Variants in AFTPH observed in about 807,000 individuals in gnomAD.
The protein encoded by AFTPH is aftiphilin protein.
A neutral mutation model predicts 72.5 loss-of-function variants in AFTPH; 7 were observed. The ratio of observed to expected loss-of-function variants is 0.10; its 90% CI spans 0.05 to 0.18. The LOEUF (loss-of-function observed/expected upper bound fraction) is 0.18. Among genes scored for constraint, AFTPH ranks in the 10% least tolerant of loss-of-function variants. The pLI, the probability that AFTPH is intolerant of heterozygous loss-of-function variation, is 1.00. For synonymous variants in AFTPH, 337 were observed against 370.1 expected (o/e 0.91, Z 1.03); for missense variants, 979 against 1,060.5 (o/e 0.92, Z 1.07).
Position 64,546,133 on chromosome 2 carries a change from T to C in AFTPH, c.-32-5310T>C, listed in dbSNP as rs552734221. Among the ~76,000 whole-genome samples, 4 of 151,998 alleles carry C rather than the reference T, an allele frequency of 2.6e-5. No homozygotes were observed. The South Asian group carries it at 8.3e-4, about 32-fold the overall frequency. ...GTCTCAAACTCCTGACCTCAAGTGATCCTCCCACCTCGGCCTCCCAAAGCG... is the reference window on the plus strand; with the variant it reads ...GTCTCAAACTCCTGACCTCAAGTGACCCTCCCACCTCGGCCTCCCAAAGCG... On this transcript the variant is annotated intron_variant, in intron 1 of 8. Transcript: ENST00000238856.
At chr2:64,573,121 A>G in intron 6 of AFTPH, 53 bp downstream of exon 6, 1 of 1,355,236 alleles carries the variant, frequency 7.4e-7, no homozygotes, top group Non-Finnish European at 1.0e-6. Flanking sequence ...ATACACATAT[A>G]TCCACACATA....
At chr2:64,527,178 G>A (rs927314069) in intron 1 of AFTPH, among the ~76,000 whole-genome samples, 1 of 152,166 alleles carries the variant, frequency 6.6e-6, no homozygotes, top group African/African-American at 2.4e-5. Flanking sequence ...AAAATCCGAA[G>A]TTGACTTGTT....
At chr2:64,554,459 T>C (rs1671240065) in intron 2 of AFTPH, among the ~76,000 whole-genome samples, 1 of 152,232 alleles carries the variant, frequency 6.6e-6, no homozygotes, top group Non-Finnish European at 1.5e-5. Context: ...ACTCAGAATC[T>C]ACAAACTTTA....
At chr2:64,583,308 G>T (rs1673318110) in intron 7 of AFTPH, among the ~76,000 whole-genome samples, 1 of 129,866 alleles carries the variant, frequency 7.7e-6, no homozygotes, top group South Asian at 2.6e-4. Flanking sequence ...GCCTCATTAA[G>T]GCTCTGTTAA....
intron 5 of AFTPH, among the ~76,000 whole-genome samples, chr2:64,570,722 A>C (rs576834206): frequency 6.6e-6 from 1 of 152,226 alleles, no homozygotes; most frequent in African/African-American, 2.4e-5. Context: ...CTAGGAGTTT[A>C]ATTTGTAGGC....
At chr2:64,567,695 A>C (rs750351916) in exon 3 of AFTPH, 1 of 1,612,292 alleles carries the variant, frequency 6.2e-7, no homozygotes. Flanking sequence ...AAAACGAGAG[A>C]GGCCTTACCT....
intron 1 of AFTPH, among the ~76,000 whole-genome samples, chr2:64,551,080 A>C (rs1177773741): frequency 1.3e-5 from 2 of 152,220 alleles, no homozygotes; most frequent in Non-Finnish European, 2.9e-5. Flanking sequence ...GAATTGAAGG[A>C]GAACTTAACA....
At chr2:64,541,134 A>G (rs914707237) in intron 1 of AFTPH, among the ~76,000 whole-genome samples, 4 of 142,080 alleles carry the variant, frequency 2.8e-5, no homozygotes, top group Non-Finnish European at 4.4e-5. Flanking sequence ...TTTCCACCTC[A>G]TATGATAGTA....
exon 2 of AFTPH, chr2:64,552,221 A>G (rs768992096): frequency 2.2e-5 from 36 of 1,613,824 alleles, no homozygotes; most frequent in Non-Finnish European, 2.8e-5. Context: ...AAGAAATAGA[A>G]TGTGCAGTTT....
intron 6 of AFTPH, among the ~76,000 whole-genome samples, chr2:64,575,892 C>T (rs887432212): frequency 3.3e-5 from 5 of 151,932 alleles, no homozygotes; most frequent in African/African-American, 1.2e-4. Flanking sequence ...GCACACACCA[C>T]ACCACCAGAC....
At chr2:64,532,302 G>C (rs1669670610) in intron 1 of AFTPH, among the ~76,000 whole-genome samples, 1 of 152,132 alleles carries the variant, frequency 6.6e-6, no homozygotes, top group African/African-American at 2.4e-5. Context: ...AGTAAGGCTG[G>C]AGAGAGAGGA....
chr2:64,564,148 C>T (rs1671908750), intron 2 of AFTPH, among the ~76,000 whole-genome samples: 1 of 151,954 alleles, frequency 6.6e-6, no homozygotes, highest in Non-Finnish European at 1.5e-5. Flanking sequence ...ATGCAGAATG[C>T]TTAGATTATT....
chr2:64,577,915 TATC>T (rs1247302314), intron 6 of AFTPH, among the ~76,000 whole-genome samples: 5 of 152,048 alleles, frequency 3.3e-5, no homozygotes, highest in African/African-American at 1.2e-4. Context: ...TATAGTTCTA[TATC>T]ATTATATCAC....
chr2:64,535,005 A>G (rs1162008377), intron 1 of AFTPH, among the ~76,000 whole-genome samples: 1 of 152,176 alleles, frequency 6.6e-6, no homozygotes, highest in Non-Finnish European at 1.5e-5. Flanking sequence ...ACGATTTAAT[A>G]TTGTAAACTC....
chr2:64,527,654 C>T (rs186411318), intron 1 of AFTPH, among the ~76,000 whole-genome samples: 3 of 151,954 alleles, frequency 2.0e-5, no homozygotes, highest in Admixed American at 2.0e-4. Flanking sequence ...CTTCTTTCAG[C>T]ATTGTATATT....
chr2:64,553,093 A>G, exon 2 of AFTPH: 1 of 1,614,216 alleles, frequency 6.2e-7, no homozygotes. Context: ...GGACATTTTG[A>G]TTCTGTGCCA....
At position 64,559,212 on chromosome 2, in the gene AFTPH, T is replaced by A. The variant is rs567184331; in HGVS notation, c.1935+5803T>A. Among the ~76,000 whole-genome samples, 3 of 150,010 alleles carry A rather than the reference T, an allele frequency of 2.0e-5. No individual in the cohort carries two copies. The South Asian group carries it at 6.3e-4, about 31-fold the overall frequency. On this transcript the variant is annotated intron_variant, in intron 2 of 8. Coordinates refer to ENST00000238856, the Ensembl canonical transcript of AFTPH. Reference sequence around the variant, plus strand: ...TTAATCTCTTTATGCCCAGATGTAGTCATTTATAAAATAGAGGTGTATTAG... The same window carrying A: ...TTAATCTCTTTATGCCCAGATGTAGACATTTATAAAATAGAGGTGTATTAG...
chr2:64,543,839 C>T (rs1176397771), intron 1 of AFTPH, among the ~76,000 whole-genome samples: 1 of 152,250 alleles, frequency 6.6e-6, no homozygotes, highest in Non-Finnish European at 1.5e-5. Flanking sequence ...GAGCTTACAA[C>T]TTACAGACTC....
rs3841896 is a variant in AFTPH, at chr2:64,570,915, T to TCCC, written c.2271+1247_2271+1249dup. On this transcript the variant is annotated intron_variant, in intron 5 of 8. Transcript: ENST00000238856. Reference sequence around the variant, plus strand: ...TTTTTTTCCCACTTCTTTCCTCCCCTCCCCCCCCCCCCCACCTTTTTTCCA... The same window carrying TCCC: ...TTTTTTTCCCACTTCTTTCCTCCCCTCCCCCCCCCCCCCCCCACCTTTTTTCCA... 2.8e-4 allele frequency among the ~76,000 whole-genome samples: 21 copies of TCCC among 74,654 alleles called. 1 individual carries two copies. Among genetic ancestry groups the TCCC allele is most frequent in the South Asian group, 4.9e-4 (1 of 2,022 alleles). 49.0% of individuals were successfully genotyped at this position (74,654 alleles called of 152,430 possible). A position where few individuals can be genotyped will look rare whatever the true frequency, so the allele number is the denominator to read the frequency against.
Sources: gnomAD v4.1 joint callset for allele counts (sites outside exome capture counted in the v4.1 genomes callset) on GRCh38, gnomAD v4.1.1 for gene constraint, MANE v1.5 for transcripts, NCBI Gene and HGNC (gene_info 2026-07-23, HGNC 2026-07-21) for gene names.